The following TEK variants were observed in gnomAD, a reference collection of about 807,000 sequenced individuals.
TEK encodes the protein angiopoietin-1 receptor.
In TEK, 43 loss-of-function variants were observed where a neutral mutation model predicts 131.8. The ratio of observed to expected loss-of-function variants is 0.33; its 90% confidence interval spans 0.26 to 0.42. TEK has a LOEUF of 0.42. Among genes scored for constraint, TEK ranks in the 10% least tolerant of loss-of-function variants. The pLI is 1.00. For synonymous variants in TEK, 580 were observed against 491.6 expected (o/e 1.18, Z -2.38); for missense variants, 1,162 against 1,384.4 (o/e 0.84, Z 2.55).
chr9:27,166,959 G>C (rs1033700823), intron 2 of TEK, among the ~76,000 whole-genome samples: 4 of 152,118 alleles, frequency 2.6e-5, no homozygotes, highest in Admixed American at 2.6e-4. Flanking sequence ...GTTGAGGAAA[G>C]TTAGATAGAC....
At chr9:27,216,389 TGAAA>T (rs1564104846) in intron 18 of TEK, among the ~76,000 whole-genome samples, 1 of 151,792 alleles carries the variant, frequency 6.6e-6, no homozygotes, top group African/African-American at 2.4e-5. Flanking sequence ...AAAAAATAAA[TGAAA>T]AAGTGCACAA....
At chr9:27,190,308 C>A (rs1824764132) in intron 9 of TEK, among the ~76,000 whole-genome samples, 1 of 152,058 alleles carries the variant, frequency 6.6e-6, no homozygotes. Flanking sequence ...GGGTCTTGAG[C>A]AAAGGGGCAC....
chr9:27,185,580 G>T lies in TEK; in HGVS notation c.1278G>T (p.Val426=), dbSNP rs748713408. The change falls in exon 9 of 23, where the codon GTG becomes GTT. Residue 426 remains valine (V), a synonymous_variant. Transcript: ENST00000380036. ...ACTCAGGAGTTTGGGTCTGCAGTGT[G>T]AACACAGTGGCTGGGATGGTGGAAA... is the stretch of plus-strand genomic sequence containing the variant. ...PPDSGVWVCS[V]NTVAGMVEKP... 1 of 1,613,858 alleles carries T rather than the reference G, an allele frequency of 6.2e-7. No homozygotes were observed. Among genetic ancestry groups the T allele is most frequent in the South Asian group, 1.1e-5 (1 of 91,076 alleles).
At chr9:27,204,886 G>T (rs371162913) in intron 13 of TEK, 25 bp from the exon 14 acceptor site, 1 of 1,613,174 alleles carries the variant, frequency 6.2e-7, no homozygotes, top group African/African-American at 1.3e-5. Context: ...TAAACTACCT[G>T]CTTCACCTCT....
Position 27,203,005 on chromosome 9 carries a change from C to G in TEK, c.2095C>G (p.Leu699Val). ...GAATGCCACCATCACTCAGTATCAG[C>G]TCAAGGGCCTAGAGCCTGAAACAGC... is the stretch of plus-strand genomic sequence containing the variant. ...IKNATITQYQ[L>V]KGLEPETAYQ... is the part of the protein sequence containing the mutation. Residue 699 changes from leucine to valine, a missense_variant, in exon 13 of 23, where the codon CTC becomes GTC. Physicochemically the swap from Leu to Val is conservative, Grantham distance 32. This residue lies in a region of TEK where 477 missense variants were observed against 471.0 expected (regional missense o/e 1.01). Transcript: ENST00000380036. 1 of 1,614,110 alleles carries G rather than the reference C, an allele frequency of 6.2e-7. No homozygotes were observed. The highest frequency in any genetic ancestry group is 8.5e-7 in the Non-Finnish European group (1 of 1,179,998).
chr9:27,164,536 A>G (rs753593441), intron 2 of TEK, among the ~76,000 whole-genome samples: 42 of 152,106 alleles, frequency 2.8e-4, no homozygotes, highest in South Asian at 2.5e-3. Context: ...AGCCAGGATG[A>G]TGTCGATCTC....
At chr9:27,191,803 C>T (rs887505683) in intron 10 of TEK, 1 of 381,248 alleles carries the variant, frequency 2.6e-6, no homozygotes, top group East Asian at 7.4e-5. Context: ...TGGTAATAAT[C>T]CATCACCTTT....
intron 1 of TEK, among the ~76,000 whole-genome samples, chr9:27,152,594 C>T (rs996057572): frequency 7.4e-6 from 1 of 135,684 alleles, no homozygotes; most frequent in Non-Finnish European, 1.6e-5. Context: ...TATGAAGCCC[C>T]CCCGCCGCAA....
chr9:27,116,498 A>C (rs756946830), intron 1 of TEK, among the ~76,000 whole-genome samples: 3 of 152,106 alleles, frequency 2.0e-5, no homozygotes, highest in African/African-American at 4.8e-5. Context: ...CACGTTGGCC[A>C]TGTCTTGAAC....
At chr9:27,211,723 G>C (rs190391885) in intron 16 of TEK, among the ~76,000 whole-genome samples, 84 of 151,956 alleles carry the variant, frequency 5.5e-4, no homozygotes, top group Non-Finnish European at 1.0e-3. Flanking sequence ...ATCTGCCTTG[G>C]CCTCCCAGAG....
intron 9 of TEK, among the ~76,000 whole-genome samples, chr9:27,188,758 G>T (rs549772330): frequency 1.2e-4 from 18 of 152,244 alleles, no homozygotes; most frequent in African/African-American, 3.9e-4. Flanking sequence ...TAGGCACTGG[G>T]AATAGAGCAG....
Position 27,189,898 on chromosome 9 carries a change from A to G in TEK, c.1328-631A>G, listed in dbSNP as rs557920877. Among the ~76,000 whole-genome samples, 276 of 152,304 alleles carry G rather than the reference A, an allele frequency of 1.8e-3. 1 individual carries two copies. The highest frequency in any genetic ancestry group is 6.6e-3 in the African/African-American group (274 of 41,580). ...GAGAGAGAATGAATTATGATCTAGA[A>G]GAAAGACCAATATCAAATAATCAAA... is the stretch of plus-strand genomic sequence containing the variant. On this transcript the variant is annotated intron_variant, in intron 9 of 22. Coordinates refer to ENST00000380036, the MANE Select transcript of TEK (RefSeq NM_000459.5).
At chr9:27,174,283 A>G (rs569775140) in intron 6 of TEK, among the ~76,000 whole-genome samples, 2 of 152,314 alleles carry the variant, frequency 1.3e-5, no homozygotes, top group South Asian at 4.1e-4. Flanking sequence ...CTTTTCCCAT[A>G]TCCGGCACTA....
chr9:27,113,694 A>T (rs1042368236), intron 1 of TEK, among the ~76,000 whole-genome samples: 3 of 152,182 alleles, frequency 2.0e-5, no homozygotes, highest in African/African-American at 7.2e-5. Flanking sequence ...CTGCCCCAGG[A>T]TGTAGGAGAA....
chr9:27,176,328 G>A (rs1355436824), intron 6 of TEK, among the ~76,000 whole-genome samples: 4 of 152,146 alleles, frequency 2.6e-5, no homozygotes, highest in Non-Finnish European at 5.9e-5. Flanking sequence ...GTGCAAATAT[G>A]TGATAATTCA....
intron 2 of TEK, among the ~76,000 whole-genome samples, chr9:27,159,137 A>G (rs1203418814): frequency 2.6e-5 from 4 of 152,206 alleles, no homozygotes; most frequent in African/African-American, 9.7e-5. Flanking sequence ...TAGGCTTAGT[A>G]GGCTGGCCTT....
intron 1 of TEK, among the ~76,000 whole-genome samples, chr9:27,149,980 T>A (rs1323109826): frequency 1.3e-5 from 2 of 152,138 alleles, no homozygotes; most frequent in Non-Finnish European, 2.9e-5. Context: ...CTGCCAGGCT[T>A]AAGGGAATCT....
At chr9:27,133,030 T>C (rs1266657634) in intron 1 of TEK, among the ~76,000 whole-genome samples, 1 of 152,222 alleles carries the variant, frequency 6.6e-6, no homozygotes, top group Non-Finnish European at 1.5e-5. Flanking sequence ...CATAGGATCA[T>C]TGACTATAAA....
intron 9 of TEK, among the ~76,000 whole-genome samples, chr9:27,186,762 G>C (rs904872718): frequency 3.3e-5 from 5 of 152,124 alleles, no homozygotes; most frequent in African/African-American, 4.8e-5. Flanking sequence ...TACTTCATTA[G>C]TAATCTCTTG....
Sources: allele counts gnomAD v4.1 joint callset (sites outside exome capture counted in the v4.1 genomes callset), GRCh38; gene constraint gnomAD v4.1.1; regional missense constraint gnomAD v4.1.1; transcripts MANE v1.5; gene names NCBI Gene and HGNC (gene_info 2026-07-23, HGNC 2026-07-21).